PDK3: variants seen among roughly 807,000 people sequenced by gnomAD.
PDK3 encodes the protein pyruvate dehydrogenase kinase, isozyme 3.
A neutral mutation model predicts 32.0 loss-of-function variants in PDK3; 12 were observed. The observed-to-expected ratio is 0.37, with a 90% CI of 0.24 to 0.61. The LOEUF is 0.61. Ranked by LOEUF, PDK3 falls within the 20% of genes least tolerant of loss-of-function variation. The pLI, the probability that PDK3 is intolerant of heterozygous loss-of-function variation, is 0.65. For missense variants in PDK3, 188 were observed against 316.9 expected, an observed-to-expected ratio of 0.59 and a Z score of 3.09; for synonymous variants, 122 against 116.3, an observed-to-expected ratio of 1.05 and a Z score of -0.31.
chrX:24,505,356 G>A lies in PDK3; in HGVS notation c.595+58G>A. ...GTTCAAATTGGATTGTGGTTTATTG[G>A]AGGCAGCTTGGCTATAGGGTTATTT... On this transcript the variant is annotated intron_variant, in intron 5 of 10. Transcript: ENST00000379162. 20 of 914,430 alleles carry A rather than the reference G, an allele frequency of 2.2e-5. No homozygotes were observed. The South Asian group carries it at 4.3e-4, about 20-fold the overall frequency. 75.4% of individuals were successfully genotyped at this position (914,430 alleles called of 1,213,427 possible). A position where few individuals can be genotyped will look rare whatever the true frequency, so the allele number is the denominator to read the frequency against.
intron 5 of PDK3, among the ~76,000 whole-genome samples, chrX:24,508,565 A>C (rs1265155313): frequency 9.0e-6 from 1 of 111,424 alleles, no homozygotes; most frequent in Non-Finnish European, 1.9e-5. Flanking sequence ...AAGTGGTGCT[A>C]AAGTGAGTCA....
At chrX:24,535,699 A>G (rs1382480564), downstream of PDK3, among the ~76,000 whole-genome samples, 5 of 109,370 alleles carry the variant, frequency 4.6e-5, no homozygotes, top group African/African-American at 3.3e-5. Flanking sequence ...TATTCATACT[A>G]TTTTACAACC....
Position 24,526,099 on chromosome X carries a change from GCT to G in PDK3, c.674-96_674-95del, listed in dbSNP as rs1463653857. 6.6e-6 allele frequency: 4 copies of G among 604,802 alleles called. No individual in the cohort carries two copies. The Admixed American group carries it at 1.2e-4, about 18-fold the overall frequency. The allele number at this position is 604,802 out of a possible 1,213,427, so 49.8% of individuals were successfully genotyped here. ...GAAACTCAAATTAGCCTTTTATAGA[GCT>G]CTGTTTTACACACTTGGAAAATAGA... On this transcript the variant is annotated intron_variant, in intron 6 of 10. Transcript: ENST00000379162.
intron 1 of PDK3, among the ~76,000 whole-genome samples, chrX:24,484,673 A>G (rs780347595): frequency 8.9e-6 from 1 of 112,474 alleles, no homozygotes; most frequent in Admixed American, 9.4e-5. Context: ...AAATCATTAC[A>G]TGAAGGGTAC....
chrX:24,474,513 A>G (rs914994606), intron 1 of PDK3, among the ~76,000 whole-genome samples: 13 of 109,546 alleles, frequency 1.2e-4, no homozygotes, highest in African/African-American at 4.0e-4. Context: ...TCCCAGGTTC[A>G]AGCAGTTCTC....
At chrX:24,496,409 T>C (rs1921702555) in intron 2 of PDK3, among the ~76,000 whole-genome samples, 1 of 109,513 alleles carries the variant, frequency 9.1e-6, no homozygotes, top group Non-Finnish European at 1.9e-5. Flanking sequence ...ATCATGCCCC[T>C]TTGCCCTAAA....
chrX:24,466,230 G>A (rs185597175), intron 1 of PDK3, among the ~76,000 whole-genome samples: 2 of 111,629 alleles, frequency 1.8e-5, no homozygotes, highest in East Asian at 5.7e-4. Flanking sequence ...CTCCCTGTCC[G>A]GTGGGCTGGT....
At chrX:24,501,330 G>A (rs1921851052) in intron 3 of PDK3, among the ~76,000 whole-genome samples, 1 of 112,753 alleles carries the variant, frequency 8.9e-6, no homozygotes, top group South Asian at 3.6e-4. Context: ...TCTTCAGATA[G>A]TTCATGCAAT....
intron 1 of PDK3, among the ~76,000 whole-genome samples, chrX:24,478,618 C>A (rs189570678): frequency 1.8e-5 from 2 of 112,109 alleles, no homozygotes; most frequent in African/African-American, 6.5e-5. Context: ...TCAAGGAGAA[C>A]CCCATTCCTG....
At chrX:24,486,656 G>A (rs1921408340) in intron 1 of PDK3, among the ~76,000 whole-genome samples, 1 of 110,924 alleles carries the variant, frequency 9.0e-6, no homozygotes, top group African/African-American at 3.3e-5. Flanking sequence ...TTTTGAAATG[G>A]GGTGTCACTC....
chrX:24,487,125 T>A (rs567835225), intron 1 of PDK3, among the ~76,000 whole-genome samples: 1 of 112,803 alleles, frequency 8.9e-6, no homozygotes, highest in Non-Finnish European at 1.9e-5. Flanking sequence ...ACTAAGTTTT[T>A]AAAAAAGTGA....
At chrX:24,532,670 G>A (rs1441574001) in intron 10 of PDK3, among the ~76,000 whole-genome samples, 7 of 111,963 alleles carry the variant, frequency 6.3e-5, no homozygotes, top group African/African-American at 1.3e-4. Context: ...TCTGTTCAGC[G>A]AAGATCACCA....
chrX:24,472,362 A>G (rs1026457879), intron 1 of PDK3, among the ~76,000 whole-genome samples: 2 of 112,015 alleles, frequency 1.8e-5, no homozygotes, highest in Admixed American at 1.9e-4. Flanking sequence ...TCTGTGTAGA[A>G]TAACTTGGAT....
downstream of PDK3, among the ~76,000 whole-genome samples, chrX:24,538,322 A>G (rs1008427738): frequency 5.3e-5 from 6 of 112,343 alleles, no homozygotes; most frequent in Non-Finnish European, 7.5e-5. Context: ...TTGTTAAACT[A>G]TACAAATAAT....
intron 5 of PDK3, among the ~76,000 whole-genome samples, chrX:24,508,326 C>A (rs1270715075): frequency 9.0e-6 from 1 of 111,333 alleles, no homozygotes; most frequent in East Asian, 2.8e-4. Flanking sequence ...CCCACAAGGC[C>A]CCACCGCCAA....
chrX:24,475,163 C>G (rs1486592339), intron 1 of PDK3, among the ~76,000 whole-genome samples: 1 of 110,331 alleles, frequency 9.1e-6, no homozygotes, highest in East Asian at 2.8e-4. Flanking sequence ...TATTTTGTAC[C>G]TTTACATATG....
At chrX:24,517,058 A>C (rs1922272744) in intron 5 of PDK3, among the ~76,000 whole-genome samples, 1 of 110,264 alleles carries the variant, frequency 9.1e-6, no homozygotes, top group South Asian at 3.9e-4. Flanking sequence ...GGCCTCCCAA[A>C]GTGCTGGGAT....
exon 12 of PDK3, among the ~76,000 whole-genome samples, chrX:24,542,503 G>A (rs1362249699): frequency 5.3e-5 from 6 of 112,791 alleles, no homozygotes; most frequent in Non-Finnish European, 1.1e-4. Flanking sequence ...CAGGTGATTT[G>A]TATTATCTCT....
chrX:24,486,733 C>T (rs1163411103), intron 1 of PDK3, among the ~76,000 whole-genome samples: 1 of 111,195 alleles, frequency 9.0e-6, no homozygotes, highest in Admixed American at 9.6e-5. Context: ...CTGGCTCAAG[C>T]GATCCTCCTG....
Sources: gnomAD v4.1 joint callset for allele counts (sites outside exome capture counted in the v4.1 genomes callset) on GRCh38, gnomAD v4.1.1 for gene constraint, MANE v1.5 for transcripts, NCBI Gene and HGNC (gene_info 2026-07-23, HGNC 2026-07-21) for gene names.